The following TG variants were observed in gnomAD, a reference collection of about 807,000 sequenced individuals.
TG encodes thyroglobulin.
Under a neutral mutation model 324.7 loss-of-function variants are expected in TG, and 270 were observed. That is an observed-to-expected ratio of 0.83 (90% CI 0.75 to 0.92). The LOEUF is 0.92. Among genes scored for constraint, TG ranks in the 40% least tolerant of loss-of-function variants. The pLI is 0.00. For missense variants in TG, 3,591 were observed against 3,456.4 expected (o/e 1.04, Z -0.98); for synonymous variants, 1,401 against 1,327.0 (o/e 1.06, Z -1.21).
At chr8:132,894,016 C>T (rs1330451884) in intron 11 of TG, 87 bp downstream of exon 11, 3 of 1,601,812 alleles carry the variant, frequency 1.9e-6, no homozygotes, top group Non-Finnish European at 2.6e-6. Context: ...ATCCTTAGGA[C>T]TTTGTGGTTT....
chr8:132,878,862 C>A (rs779594036), intron 5 of TG, among the ~76,000 whole-genome samples: 1 of 151,822 alleles, frequency 6.6e-6, no homozygotes, highest in Non-Finnish European at 1.5e-5. Context: ...GCTTTAGAAT[C>A]CCACTCAAAC....
chr8:133,071,554 C>CCA (rs1181164422), intron 41 of TG, among the ~76,000 whole-genome samples: 1 of 152,054 alleles, frequency 6.6e-6, no homozygotes, highest in Non-Finnish European at 1.5e-5. Flanking sequence ...AGAGGTGGGT[C>CCA]CACACACTCT....
At position 133,034,939 on chromosome 8, in the gene TG, C is replaced by T. The variant is rs1004932554; in HGVS notation, c.7239+4916C>T. 2.0e-5 allele frequency among the ~76,000 whole-genome samples: 3 copies of T among 152,358 alleles called. No individual in the cohort carries two copies. In the South Asian group the frequency reaches 6.2e-4, roughly 32 times the overall value. On this transcript the variant is annotated intron_variant, in intron 41 of 47. Transcript: ENST00000220616. ...CATTTGATTTGCTTTCATTCTCCAT[C>T]ATCTTTCTTGATCATGCTTGTTCAT...
chr8:132,887,237 C>A lies in TG; in HGVS notation c.1865C>A (p.Thr622Lys). 6.2e-7 allele frequency: 1 copy of A among 1,606,384 alleles called. No homozygotes were observed. Among genetic ancestry groups the A allele is most frequent in the South Asian group, 1.1e-5 (1 of 90,054 alleles). Residue 622 changes from threonine to lysine, a missense_variant, in exon 9 of 48, where the codon ACA (threonine) becomes AAA (lysine). Transcript: ENST00000220616. ...PERLFVPSCT[T>K]EGSYEDVQCF... Reference sequence around the variant, plus strand: ...AGGCTATTTGTCCCATCATGCACGACAGAAGGAAGCTATGAGGATGTCCAA... The same window carrying A: ...AGGCTATTTGTCCCATCATGCACGAAAGAAGGAAGCTATGAGGATGTCCAA...
At chr8:133,082,307 C>T (rs1324833478) in intron 41 of TG, among the ~76,000 whole-genome samples, 5 of 152,132 alleles carry the variant, frequency 3.3e-5, no homozygotes, top group African/African-American at 1.2e-4. Flanking sequence ...AGCTTTGGCA[C>T]TTTGCATGAC....
intron 43 of TG, among the ~76,000 whole-genome samples, chr8:133,111,258 A>G (rs1027926752): frequency 6.6e-6 from 1 of 152,130 alleles, no homozygotes; most frequent in Non-Finnish European, 1.5e-5. Flanking sequence ...CTGGGGTTAA[A>G]TCTCACCTCA....
intron 8 of TG, among the ~76,000 whole-genome samples, chr8:132,884,839 C>A (rs994811720): frequency 6.6e-6 from 1 of 152,180 alleles, no homozygotes; most frequent in African/African-American, 2.4e-5. Flanking sequence ...ATTGAATTTC[C>A]TTGCTTTGGT....
chr8:133,091,049 A>G (rs1588064243), intron 41 of TG, among the ~76,000 whole-genome samples: 1 of 152,302 alleles, frequency 6.6e-6, no homozygotes, highest in South Asian at 2.1e-4. Flanking sequence ...AAGTTGAAAT[A>G]ATACTGTTGT....
chr8:133,030,093 C>A (rs2130989709), intron 41 of TG, 70 bp downstream of exon 41: 2 of 1,593,204 alleles, frequency 1.3e-6, no homozygotes, highest in East Asian at 4.5e-5. Flanking sequence ...TCCTGTGCTG[C>A]AAAAGTCTAG....
At chr8:133,095,952 C>G (rs1484799227) in intron 42 of TG, among the ~76,000 whole-genome samples, 1 of 152,180 alleles carries the variant, frequency 6.6e-6, no homozygotes, top group African/African-American at 2.4e-5. Flanking sequence ...GCTTTCCCAT[C>G]CCTACCTGGG....
intron 34 of TG, among the ~76,000 whole-genome samples, chr8:132,981,395 G>A (rs1385496779): frequency 6.6e-6 from 1 of 152,166 alleles, no homozygotes; most frequent in Non-Finnish European, 1.5e-5. Context: ...TGGACCCAAG[G>A]GTGTGGACGT....
At chr8:132,876,232 G>T (rs568399108) in intron 5 of TG, among the ~76,000 whole-genome samples, 1 of 152,184 alleles carries the variant, frequency 6.6e-6, no homozygotes, top group Admixed American at 6.5e-5. Flanking sequence ...GTGTCGGAGA[G>T]GACAGCCAAG....
At chr8:132,869,847 TC>T in intron 3 of TG, 21 bp downstream of exon 3, 1 of 1,608,886 alleles carries the variant, frequency 6.2e-7, no homozygotes, top group Non-Finnish European at 8.5e-7. Context: ...GTGGGGGACG[TC>T]CCTTGGAGGG....
chr8:132,956,438 C>T (rs530837397), intron 27 of TG, among the ~76,000 whole-genome samples: 1 of 152,264 alleles, frequency 6.6e-6, no homozygotes, highest in Non-Finnish European at 1.5e-5. Flanking sequence ...ATACTGCAAA[C>T]TCAGAGGACG....
At chr8:133,120,837 AGCCTGTCAAG>A in intron 45 of TG, among the ~76,000 whole-genome samples, 1 of 152,296 alleles carries the variant, frequency 6.6e-6, no homozygotes, top group African/African-American at 2.4e-5. Context: ...AAAATAACTG[AGCCTGTCAAG>A]CAGGCTCTTG....
chr8:133,049,432 C>T, intron 41 of TG: 1 of 278,106 alleles, frequency 3.6e-6, no homozygotes, highest in South Asian at 3.6e-5. Flanking sequence ...CAACCCTACA[C>T]TTTGATCATA....
At chr8:133,058,604 C>T (rs1470706040) in intron 41 of TG, among the ~76,000 whole-genome samples, 1 of 152,146 alleles carries the variant, frequency 6.6e-6, no homozygotes, top group African/African-American at 2.4e-5. Context: ...TGTCAGTTTT[C>T]TAGCAGTGGT....
intron 41 of TG, among the ~76,000 whole-genome samples, chr8:133,081,153 T>C (rs1322062231): frequency 6.6e-6 from 1 of 152,258 alleles, no homozygotes; most frequent in African/African-American, 2.4e-5. Flanking sequence ...GCAAGGCGCA[T>C]AGGACGGGAC....
chr8:133,011,018 G>A (rs894031383), intron 35 of TG, among the ~76,000 whole-genome samples: 2 of 152,198 alleles, frequency 1.3e-5, no homozygotes, highest in Non-Finnish European at 2.9e-5. Flanking sequence ...AAAGGAAGAC[G>A]TCTTAGCTGG....
Sources: gnomAD v4.1 joint callset for allele counts (sites outside exome capture counted in the v4.1 genomes callset) on GRCh38, gnomAD v4.1.1 for gene constraint, MANE v1.5 for transcripts, NCBI Gene and HGNC (gene_info 2026-07-23, HGNC 2026-07-21) for gene names.